RUNDC3A: variants seen among roughly 807,000 people sequenced by gnomAD.
RUNDC3A encodes the protein RUN domain containing 3A.
In RUNDC3A, 28 loss-of-function variants were observed where a neutral mutation model predicts 53.9. That is an observed-to-expected ratio of 0.52 (90% confidence interval 0.38 to 0.71). The LOEUF (loss-of-function observed/expected upper bound fraction) is 0.71. Among genes scored for constraint, RUNDC3A ranks in the 30% least tolerant of loss-of-function variants. The pLI is 0.00. For synonymous variants in RUNDC3A, 232 were observed against 249.4 expected (o/e 0.93, Z 0.66); for missense variants, 491 against 597.3 (o/e 0.82, Z 1.85).
chr17:44,317,243 G>A (rs2047885555), intron 10 of RUNDC3A: 1 of 596,732 alleles, frequency 1.7e-6, no homozygotes, highest in Admixed American at 2.8e-5. Context: ...ATCTGGCTGT[G>A]CCTCCTCTGA....
intron 10 of RUNDC3A, 95 bp downstream of exon 10, chr17:44,316,820 C>G (rs1013692289): frequency 5.0e-6 from 2 of 398,444 alleles, no homozygotes; most frequent in South Asian, 3.4e-5. Context: ...TTCTCTTAGT[C>G]TTTTTTTTTT....
Position 44,315,432 on chromosome 17 carries a change from G to C in RUNDC3A, c.796-20G>C. The C allele has an allele frequency of 7.0e-7, 1 of 1,428,266 alleles. No individual in the cohort carries two copies. Among genetic ancestry groups the C allele is most frequent in the Non-Finnish European group, 9.2e-7 (1 of 1,088,246 alleles). 88.5% of individuals were successfully genotyped at this position (1,428,266 alleles called of 1,614,324 possible). On this transcript the variant is annotated intron_variant, in intron 7 of 10. Coordinates refer to ENST00000426726, the MANE Select transcript of RUNDC3A (RefSeq NM_001144825.2). The surrounding 1 kb of genome is among the most constrained non-coding windows in gnomAD (Gnocchi z 6.1). ...CCGGGACGTCCTCCCAGCCGCCCGGGCTGAGCCGGCGCCCCGCAGGGCTAC... is the reference window on the plus strand; with the variant it reads ...CCGGGACGTCCTCCCAGCCGCCCGGCCTGAGCCGGCGCCCCGCAGGGCTAC...
At chr17:44,314,690 G>GGC in intron 4 of RUNDC3A, 45 bp from the exon 5 acceptor site, 4 of 1,165,834 alleles carry the variant, frequency 3.4e-6, no homozygotes, top group South Asian at 3.1e-5. Flanking sequence ...GGGGGGGGGC[G>GGC]CTCCAGGGGC....
Position 44,316,713 on chromosome 17 carries a change from T to C in RUNDC3A, c.1186T>C (p.Trp396Arg), listed in dbSNP as rs1435607431. The part of the protein sequence containing the change: ...LGEGTRDEEP[W>R]GPIGKDPTPS... Reference sequence around the variant, plus strand: ...AGAGGGCACGCGGGACGAGGAGCCCTGGGGTCCCATCGGTGAGCTCCCCCA... The same window carrying C: ...AGAGGGCACGCGGGACGAGGAGCCCCGGGGTCCCATCGGTGAGCTCCCCCA... The change falls in exon 10 of 11, where the codon TGG (tryptophan) becomes CGG (arginine). Residue 396 changes from tryptophan to arginine, a missense_variant. Physicochemically the swap from Trp to Arg is moderately radical, Grantham distance 101 (BLOSUM62 -3). This residue lies in a region of RUNDC3A where 218 missense variants were observed against 208.2 expected (regional missense o/e 1.05). Transcript: ENST00000426726. 1 of 1,548,308 alleles carries C rather than the reference T, an allele frequency of 6.5e-7. No homozygotes were observed.
Position 44,315,446 on chromosome 17 carries a change from C to T in RUNDC3A, c.796-6C>T, listed in dbSNP as rs1331208450. The T allele has an allele frequency of 2.7e-6, 4 of 1,458,062 alleles. No homozygotes were observed. Among genetic ancestry groups the T allele is most frequent in the Admixed American group, 2.7e-5 (1 of 37,008 alleles). 90.3% of individuals were successfully genotyped at this position (1,458,062 alleles called of 1,614,324 possible). A position where few individuals can be genotyped will look rare whatever the true frequency, so the allele number is the denominator to read the frequency against. ...CAGCCGCCCGGGCTGAGCCGGCGCC[C>T]CGCAGGGCTACCTGGAGGAGCTGGT... On this transcript the variant is annotated splice_polypyrimidine_tract_variant and splice_region_variant and intron_variant, in intron 7 of 10. Transcript: ENST00000426726. The surrounding 1 kb of genome is among the most constrained non-coding windows in gnomAD (Gnocchi z 6.1).
At position 44,314,970 on chromosome 17, in the gene RUNDC3A, TG is replaced by T; in HGVS notation, c.592del (p.Val198SerfsTer8). 6.2e-7 allele frequency: 1 copy of T among 1,613,960 alleles called. No individual in the cohort carries two copies. Among genetic ancestry groups the T allele is most frequent in the Non-Finnish European group, 8.5e-7 (1 of 1,179,884 alleles). ...KGEVLDGKTP[V>X]VIDYTPYLKF... ...GAAGTCCTGGACGGGAAGACCCCCGTGGTCATCGATTACACGCCCTACCTAA... is the reference window on the plus strand; with the variant it reads ...GAAGTCCTGGACGGGAAGACCCCCGTGTCATCGATTACACGCCCTACCTAA... On this transcript the variant is annotated frameshift_variant, in exon 6 of 11. Transcript: ENST00000426726. LOFTEE classifies it high-confidence loss of function.
chr17:44,314,670 GCT>G (rs1207703866), intron 4 of RUNDC3A, 63 bp from the exon 5 acceptor site: 56 of 887,416 alleles, frequency 6.3e-5, no homozygotes, highest in Non-Finnish European at 4.6e-5. Context: ...AACAATAGCA[GCT>G]CTGGGGGGGG....
chr17:44,313,420 C>T lies in RUNDC3A; in HGVS notation c.375C>T (p.Gly125=). Residue 125 remains glycine, a splice_region_variant and synonymous_variant, in exon 4 of 11, where the codon GGC becomes GGT. Transcript: ENST00000426726. Reference sequence around the variant, plus strand: ...GTAAAGGTGAACATGATTTCCAGGGCCGGGCATGGATCCGGGTGGCACTGA... The same window carrying T: ...GTAAAGGTGAACATGATTTCCAGGGTCGGGCATGGATCCGGGTGGCACTGA... ...MENISTARAK[G]RAWIRVALME... is the part of the protein sequence containing the mutation. 1 of 1,613,932 alleles carries T rather than the reference C, an allele frequency of 6.2e-7. No individual in the cohort carries two copies. Among genetic ancestry groups the T allele is most frequent in the Non-Finnish European group, 8.5e-7 (1 of 1,179,848 alleles).
intron 10 of RUNDC3A, chr17:44,317,695 T>C: frequency 1.6e-6 from 1 of 639,004 alleles, no homozygotes; most frequent in Non-Finnish European, 2.9e-6. Context: ...GCTGTGGCCA[T>C]GTAGCCCCAT....
chr17:44,309,162 G>A (rs553584100), intron 1 of RUNDC3A, among the ~76,000 whole-genome samples: 1 of 152,198 alleles, frequency 6.6e-6, no homozygotes, highest in Non-Finnish European at 1.5e-5. Context: ...TGGGCCTGGG[G>A]GGTGAGGGGT....
chr17:44,312,667 A>G lies in RUNDC3A; in HGVS notation c.195A>G (p.Leu65=). Residue 65 remains leucine (L), a synonymous_variant, in exon 2 of 11, where the codon TTA becomes TTG. Coordinates refer to ENST00000426726, the MANE Select transcript of RUNDC3A (RefSeq NM_001144825.2). ...AGTTTGTCAATTTTGCAGCCATTTT[A>G]GAGCAGATCCTCAGCCACCGCTTCA... ...SEEFVNFAAI[L]EQILSHRFKA... is the part of the protein sequence containing the mutation. 6.3e-7 allele frequency: 1 copy of G among 1,579,492 alleles called. No homozygotes were observed. The highest frequency in any genetic ancestry group is 1.2e-5 in the South Asian group (1 of 85,816).
intron 10 of RUNDC3A, chr17:44,317,439 G>C (rs750593634): frequency 1.3e-6 from 1 of 780,808 alleles, no homozygotes; most frequent in Non-Finnish European, 2.4e-6. Flanking sequence ...TGCACACTGT[G>C]AACTACTTGC....
chr17:44,312,972 T>G, intron 2 of RUNDC3A, 132 bp from the exon 3 acceptor site: 2 of 999,954 alleles, frequency 2.0e-6, no homozygotes, highest in East Asian at 2.5e-5. Context: ...GGGTGCCCAC[T>G]GCACACGTGC....
chr17:44,312,515 C>A, intron 1 of RUNDC3A, 65 bp from the exon 2 acceptor site: 1 of 908,206 alleles, frequency 1.1e-6, no homozygotes, highest in Non-Finnish European at 1.7e-6. Context: ...CTCCCTGTCT[C>A]TCCCTCCATC....
In RUNDC3A at chr17:44,315,543, C is replaced by A. The variant is rs550791513; in HGVS notation, c.887C>A (p.Ala296Glu). ...NRRLQLQLEE[A>E]AAQNQREKRE... ...CGGCTTCAGCTGCAGCTGGAGGAGG[C>A]GGCGGCGCAGAACCAGCGCGAGAAA... Residue 296 changes from alanine (A) to glutamate (E), a missense_variant, in exon 8 of 11, where the codon GCG becomes GAG. Physicochemically the swap from Ala to Glu is moderately radical, Grantham distance 107. Transcript: ENST00000426726. This position sits in a 1 kb window ranked among gnomAD's most constrained non-coding sequence, Gnocchi z 6.1. The A allele has an allele frequency of 2.0e-6, 3 of 1,515,466 alleles. No homozygotes were observed. The highest frequency in any genetic ancestry group is 1.2e-5 in the South Asian group (1 of 80,372). The allele number at this position is 1,515,466 out of a possible 1,614,324, so 93.9% of individuals were successfully genotyped here.
chr17:44,318,184 C>G lies in RUNDC3A; in HGVS notation c.1287C>G (p.Asn429Lys). Residue 429 changes from asparagine to lysine, a missense_variant, in exon 11 of 11, where the codon AAC (asparagine) becomes AAG (lysine). By Grantham distance (94) the Asn-to-Lys change is moderately conservative (BLOSUM62 0). Transcript: ENST00000426726. The part of the protein sequence containing the change: ...SCKSLASFKS[N>K]ECLVSDSPEG... ...AGTCCCTGGCGAGCTTCAAATCCAA[C>G]GAGTGCCTGGTGAGCGACAGTCCCG... is the stretch of plus-strand genomic sequence containing the variant. 1 of 1,551,512 alleles carries G rather than the reference C, an allele frequency of 6.4e-7. No homozygotes were observed. The highest frequency in any genetic ancestry group is 8.7e-7 in the Non-Finnish European group (1 of 1,146,998).
At chr17:44,311,815 C>G (rs2047752327) in intron 1 of RUNDC3A, among the ~76,000 whole-genome samples, 2 of 152,168 alleles carry the variant, frequency 1.3e-5, no homozygotes, top group Non-Finnish European at 2.9e-5. Flanking sequence ...TTCCCTTAGT[C>G]CCTTCCTCCC....
At chr17:44,311,254 G>A in intron 1 of RUNDC3A, 1 of 985,556 alleles carries the variant, frequency 1.0e-6, no homozygotes, top group Non-Finnish European at 1.2e-6. Flanking sequence ...TCCAAGGCTG[G>A]AGACTTGCAG....
In RUNDC3A at chr17:44,313,163, G is replaced by GC. The variant is rs1331498583; in HGVS notation, c.283_284insC (p.Asp95AlafsTer54). The GC allele has an allele frequency of 6.2e-7, 1 of 1,614,060 alleles. No individual in the cohort carries two copies. ...CTCAGACGGGCAGCGGGGCTTTTGGGACTATATCCGGCTGGCCTGCAGCAA... is the reference window on the plus strand; with the variant it reads ...CTCAGACGGGCAGCGGGGCTTTTGGGCACTATATCCGGCTGGCCTGCAGCAA... On this transcript the variant is annotated frameshift_variant, in exon 3 of 11. Transcript: ENST00000426726. LOFTEE classifies it high-confidence loss of function.
Sources: allele counts gnomAD v4.1 joint callset (sites outside exome capture counted in the v4.1 genomes callset), GRCh38; gene constraint gnomAD v4.1.1; regional missense constraint gnomAD v4.1.1; non-coding constraint Gnocchi (gnomAD v3.1); transcripts MANE v1.5; gene names NCBI Gene and HGNC (gene_info 2026-07-23, HGNC 2026-07-21).